The following GPR158 variants were observed in gnomAD, a reference collection of about 807,000 sequenced individuals.
GPR158 encodes metabotropic glycine receptor.
Under a neutral mutation model 78.2 loss-of-function variants are expected in GPR158, and 30 were observed. The ratio of observed to expected loss-of-function variants is 0.38; its 90% CI spans 0.29 to 0.52. The LOEUF (loss-of-function observed/expected upper bound fraction) is 0.52. GPR158 is among the 20% of genes least tolerant of loss of function. GPR158 has a pLI of 0.83. For synonymous variants in GPR158, 581 were observed against 591.1 expected, an observed-to-expected ratio of 0.98 and a Z score of 0.25; for missense variants, 1,463 against 1,523.5, an observed-to-expected ratio of 0.96 and a Z score of 0.66.
intron 4 of GPR158, among the ~76,000 whole-genome samples, chr10:25,430,598 C>G (rs926926482): frequency 5.9e-5 from 9 of 151,276 alleles, no homozygotes; most frequent in African/African-American, 2.2e-4. Context: ...ATCATGCTAC[C>G]TAACTTCAAA....
At chr10:25,473,649 T>G (rs1835541171) in intron 5 of GPR158, among the ~76,000 whole-genome samples, 1 of 152,164 alleles carries the variant, frequency 6.6e-6, no homozygotes, top group African/African-American at 2.4e-5. Context: ...ATTAGTCTAT[T>G]CTGGGATTCA....
At chr10:25,448,637 G>C (rs547369722) in intron 4 of GPR158, among the ~76,000 whole-genome samples, 1 of 152,314 alleles carries the variant, frequency 6.6e-6, no homozygotes, top group Admixed American at 6.5e-5. Flanking sequence ...CCTAGGAGTA[G>C]AGTTTCCTGG....
At chr10:25,459,462 G>T (rs985747489) in intron 4 of GPR158, among the ~76,000 whole-genome samples, 1 of 152,060 alleles carries the variant, frequency 6.6e-6, no homozygotes, top group Admixed American at 6.6e-5. Flanking sequence ...GTAATAGAAG[G>T]TCTAAATGTT....
At chr10:25,239,530 C>T (rs937464818) in intron 2 of GPR158, among the ~76,000 whole-genome samples, 3 of 151,730 alleles carry the variant, frequency 2.0e-5, no homozygotes, top group Non-Finnish European at 4.4e-5. Context: ...GTCACTTAAA[C>T]CTGGGAGGCA....
intron 5 of GPR158, among the ~76,000 whole-genome samples, chr10:25,510,872 T>C (rs965986916): frequency 6.6e-6 from 1 of 152,206 alleles, no homozygotes; most frequent in Non-Finnish European, 1.5e-5. Flanking sequence ...GTGAATGCTA[T>C]TATTTTGTTC....
At chr10:25,574,585 A>C (rs568111096) in intron 7 of GPR158, among the ~76,000 whole-genome samples, 2 of 152,282 alleles carry the variant, frequency 1.3e-5, no homozygotes, top group Admixed American at 1.3e-4. Flanking sequence ...AAGAACATTC[A>C]TTTTATAAGA....
At chr10:25,333,460 C>T (rs2807244) in intron 2 of GPR158, among the ~76,000 whole-genome samples, 11,634 of 152,060 alleles carry the variant, frequency 0.077, 600 homozygotes, top group South Asian at 0.16. Context: ...TGTATGTGAA[C>T]TTTAGAAGAG....
At chr10:25,565,797 G>T (rs929936898) in intron 6 of GPR158, among the ~76,000 whole-genome samples, 1 of 152,108 alleles carries the variant, frequency 6.6e-6, no homozygotes, top group Admixed American at 6.5e-5. Flanking sequence ...CTGGTGTGGC[G>T]GCTGACCGTG....
At chr10:25,450,069 C>G (rs529183122) in intron 4 of GPR158, among the ~76,000 whole-genome samples, 1 of 151,608 alleles carries the variant, frequency 6.6e-6, no homozygotes, top group Non-Finnish European at 1.5e-5. Flanking sequence ...GGGAGACATT[C>G]AGAAAAACAA....
At chr10:25,548,727 T>G (rs1046220399) in intron 5 of GPR158, among the ~76,000 whole-genome samples, 2 of 152,172 alleles carry the variant, frequency 1.3e-5, no homozygotes, top group Non-Finnish European at 2.9e-5. Context: ...AGACTAAGAG[T>G]TACAGTCCAC....
intron 2 of GPR158, among the ~76,000 whole-genome samples, chr10:25,316,256 T>C (rs896521894): frequency 2.0e-5 from 3 of 152,218 alleles, no homozygotes; most frequent in Non-Finnish European, 4.4e-5. Context: ...AGGCTCTCCC[T>C]ATATGTAGAT....
intron 2 of GPR158, among the ~76,000 whole-genome samples, chr10:25,240,037 A>G (rs1341914842): frequency 6.6e-6 from 1 of 152,212 alleles, no homozygotes; most frequent in African/African-American, 2.4e-5. Context: ...ATATTATAAG[A>G]TAAAACAGCA....
intron 5 of GPR158, among the ~76,000 whole-genome samples, chr10:25,511,090 G>A (rs11014588): frequency 0.097 from 14,684 of 152,152 alleles, 874 homozygotes; most frequent in Non-Finnish European, 0.13. Flanking sequence ...TCAAATGGTA[G>A]TTCTACTTTT....
chr10:25,400,052 A>G (rs546107748), intron 3 of GPR158, among the ~76,000 whole-genome samples: 68 of 152,202 alleles, frequency 4.5e-4, no homozygotes, highest in Non-Finnish European at 8.1e-4. Context: ...ATACACACAC[A>G]TATAAAAACA....
chr10:25,332,445 AT>A (rs1855139707), intron 2 of GPR158, among the ~76,000 whole-genome samples: 1 of 152,172 alleles, frequency 6.6e-6, no homozygotes, highest in Non-Finnish European at 1.5e-5. Context: ...TGAAGCTAAA[AT>A]TTTACTTAGA....
intron 2 of GPR158, among the ~76,000 whole-genome samples, chr10:25,377,802 C>T (rs1386924007): frequency 6.6e-6 from 1 of 151,934 alleles, no homozygotes; most frequent in Non-Finnish European, 1.5e-5. Context: ...GGCTTACTTT[C>T]ATTTGGGGCT....
intron 1 of GPR158, among the ~76,000 whole-genome samples, chr10:25,218,499 C>G (rs1371161714): frequency 6.6e-6 from 1 of 152,198 alleles, no homozygotes; most frequent in Non-Finnish European, 1.5e-5. Context: ...GAGATTTCCA[C>G]TGTCTGGGAA....
intron 2 of GPR158, among the ~76,000 whole-genome samples, chr10:25,281,278 G>C (rs1018471442): frequency 6.6e-6 from 1 of 151,388 alleles, no homozygotes; most frequent in Admixed American, 6.6e-5. Context: ...AAAAAATACA[G>C]TTAGGCTGGA....
At chr10:25,196,319 AC>A (rs1340590732) in intron 1 of GPR158, among the ~76,000 whole-genome samples, 4 of 149,686 alleles carry the variant, frequency 2.7e-5, no homozygotes, top group Non-Finnish European at 6.0e-5. Context: ...ATGTTCATGA[AC>A]CCTTTTTTTG....
Sources: allele counts gnomAD v4.1 joint callset (sites outside exome capture counted in the v4.1 genomes callset), GRCh38; gene constraint gnomAD v4.1.1; transcripts MANE v1.5; gene names NCBI Gene and HGNC (gene_info 2026-07-23, HGNC 2026-07-21).